MAML3: variants seen among roughly 807,000 people sequenced by gnomAD.
MAML3 encodes the protein mastermind like transcriptional coactivator 3, also known as mastermind-like protein 3.
In MAML3, 27 loss-of-function variants were observed where a neutral mutation model predicts 101.9. That is an observed-to-expected ratio of 0.27 (90% CI 0.20 to 0.37). The LOEUF is 0.37. Ranked by LOEUF, MAML3 falls within the 10% of genes least tolerant of loss-of-function variation. MAML3 has a pLI of 1.00. For missense variants in MAML3, 1,316 were observed against 1,444.9 expected, an observed-to-expected ratio of 0.91 and a Z score of 1.45; for synonymous variants, 501 against 555.9, an observed-to-expected ratio of 0.90 and a Z score of 1.39.
intron 2 of MAML3, among the ~76,000 whole-genome samples, chr4:139,847,344 C>A (rs1033155451): frequency 6.6e-6 from 1 of 152,124 alleles, no homozygotes; most frequent in Non-Finnish European, 1.5e-5. Flanking sequence ...AGATTCAATC[C>A]GTTGAGCAAA....
chr4:139,926,526 G>A (rs1371527525), intron 1 of MAML3, among the ~76,000 whole-genome samples: 1 of 152,162 alleles, frequency 6.6e-6, no homozygotes, highest in Non-Finnish European at 1.5e-5. Flanking sequence ...CTTCAACCTG[G>A]GAGGCGGAGC....
chr4:140,086,701 G>T (rs1383386893), intron 1 of MAML3, among the ~76,000 whole-genome samples: 1 of 152,142 alleles, frequency 6.6e-6, no homozygotes, highest in East Asian at 1.9e-4. Flanking sequence ...TAAAGGTGGG[G>T]TGGGGTGAAC....
Position 139,719,304 on chromosome 4 carries a change from A to C in MAML3, c.*19T>G. ...TAAGCTTTAACCACTCGAGTTGTGG[A>C]TCTTGGGGCCTCTCTTGATTAGGGG... On this transcript the variant is annotated 3_prime_UTR_variant, in exon 5 of 5. Coordinates refer to ENST00000509479, the MANE Select transcript of MAML3 (RefSeq NM_018717.5). 6.5e-7 allele frequency: 1 copy of C among 1,547,232 alleles called. No individual in the cohort carries two copies.
chr4:139,751,478 T>A (rs1366656750), intron 2 of MAML3, among the ~76,000 whole-genome samples: 2 of 152,230 alleles, frequency 1.3e-5, no homozygotes, highest in Admixed American at 6.5e-5. Context: ...GAAACAAAGT[T>A]TTGACTGCAT....
At chr4:140,143,124 A>T (rs1729002098) in intron 1 of MAML3, among the ~76,000 whole-genome samples, 1 of 152,224 alleles carries the variant, frequency 6.6e-6, no homozygotes, top group African/African-American at 2.4e-5. Context: ...TACATGTCTA[A>T]TAAGACAACA....
At chr4:139,830,172 G>C (rs746646931) in intron 2 of MAML3, among the ~76,000 whole-genome samples, 2 of 152,298 alleles carry the variant, frequency 1.3e-5, no homozygotes, top group Non-Finnish European at 2.9e-5. Context: ...CTGGATGACA[G>C]GCAAGGACTC....
chr4:140,028,773 T>G (rs1347940384), intron 1 of MAML3, among the ~76,000 whole-genome samples: 1 of 152,162 alleles, frequency 6.6e-6, no homozygotes, highest in African/African-American at 2.4e-5. Flanking sequence ...TCTAGTATGC[T>G]TTCCTTTCTC....
chr4:140,114,240 T>G (rs1432330195), intron 1 of MAML3, among the ~76,000 whole-genome samples: 1 of 152,218 alleles, frequency 6.6e-6, no homozygotes, highest in African/African-American at 2.4e-5. Context: ...AAGTCTGTTA[T>G]AGCTCTTATC....
At chr4:140,017,026 G>A (rs1227927301) in intron 1 of MAML3, among the ~76,000 whole-genome samples, 4 of 152,154 alleles carry the variant, frequency 2.6e-5, no homozygotes, top group African/African-American at 7.2e-5. Flanking sequence ...ACAATCACAT[G>A]TTGGGAGAAA....
At chr4:139,805,438 T>C (rs1730683962) in intron 2 of MAML3, among the ~76,000 whole-genome samples, 1 of 152,204 alleles carries the variant, frequency 6.6e-6, no homozygotes, top group East Asian at 1.9e-4. Flanking sequence ...TCTCATAGTC[T>C]AACCCCAATT....
intron 1 of MAML3, among the ~76,000 whole-genome samples, chr4:140,129,384 C>T (rs891020802): frequency 5.3e-5 from 8 of 152,178 alleles, no homozygotes; most frequent in African/African-American, 1.9e-4. Context: ...TCTAAATCCC[C>T]CCTACCCCCA....
At chr4:139,786,204 C>G (rs567187728) in intron 2 of MAML3, among the ~76,000 whole-genome samples, 1 of 152,130 alleles carries the variant, frequency 6.6e-6, no homozygotes, top group South Asian at 2.1e-4. Context: ...AACAGCTTCA[C>G]CTCAGCCTTC....
At chr4:139,809,748 C>T (rs546437443) in intron 2 of MAML3, among the ~76,000 whole-genome samples, 1 of 152,122 alleles carries the variant, frequency 6.6e-6, no homozygotes, top group African/African-American at 2.4e-5. Flanking sequence ...CTGGCCATAA[C>T]CCACCCCACA....
intron 1 of MAML3, among the ~76,000 whole-genome samples, chr4:139,968,242 G>A (rs964410508): frequency 6.6e-6 from 1 of 151,060 alleles, no homozygotes; most frequent in Non-Finnish European, 1.5e-5. Flanking sequence ...CCTCGGAGGT[G>A]GAGGTTGCTG....
intron 1 of MAML3, among the ~76,000 whole-genome samples, chr4:139,938,429 A>C (rs1733545612): frequency 6.6e-6 from 1 of 152,244 alleles, no homozygotes; most frequent in African/African-American, 2.4e-5. Context: ...ACCTGGGCCT[A>C]CTATCAGTTA....
chr4:140,031,139 A>G (rs1726901418), intron 1 of MAML3, among the ~76,000 whole-genome samples: 1 of 152,204 alleles, frequency 6.6e-6, no homozygotes, highest in African/African-American at 2.4e-5. Flanking sequence ...CTATATTAGA[A>G]AAAAATTTAA....
intron 1 of MAML3, among the ~76,000 whole-genome samples, chr4:140,099,229 TCACACA>T (rs57140878): frequency 5.4e-4 from 80 of 147,158 alleles, no homozygotes; most frequent in African/African-American, 1.7e-3. Context: ...TGGAAGTATA[TCACACA>T]CACACACACA....
intron 2 of MAML3, among the ~76,000 whole-genome samples, chr4:139,761,069 C>T (rs1256737660): frequency 6.6e-6 from 1 of 152,178 alleles, no homozygotes; most frequent in Non-Finnish European, 1.5e-5. Flanking sequence ...AGTGATTCTC[C>T]TGCTTCAGCC....
intron 1 of MAML3, among the ~76,000 whole-genome samples, chr4:140,090,934 C>T (rs898525184): frequency 6.6e-6 from 1 of 152,110 alleles, no homozygotes; most frequent in African/African-American, 2.4e-5. Context: ...CGTGTAATTT[C>T]GGCTACTTGG....
Sources: gnomAD v4.1 joint callset for allele counts (sites outside exome capture counted in the v4.1 genomes callset) on GRCh38, gnomAD v4.1.1 for gene constraint, MANE v1.5 for transcripts, NCBI Gene and HGNC (gene_info 2026-07-23, HGNC 2026-07-21) for gene names.